The following PTPN13 variants were observed in gnomAD, a reference collection of about 807,000 sequenced individuals.
The protein encoded by PTPN13 is protein tyrosine phosphatase non-receptor type 13.
PTPN13 carries 191 observed loss-of-function variants against 284.0 expected under a neutral mutation model. The observed-to-expected ratio is 0.67, with a 90% CI of 0.60 to 0.76. The LOEUF is 0.76. Ranked by LOEUF, PTPN13 falls within the 30% of genes least tolerant of loss-of-function variation. PTPN13 has a pLI of 0.00. For synonymous variants in PTPN13, 986 were observed against 1,022.3 expected, an observed-to-expected ratio of 0.96 and a Z score of 0.68; for missense variants, 2,797 against 2,939.9, an observed-to-expected ratio of 0.95 and a Z score of 1.12.
intron 2 of PTPN13, among the ~76,000 whole-genome samples, chr4:86,655,206 C>G (rs904282330): frequency 1.3e-5 from 2 of 152,144 alleles, no homozygotes; most frequent in African/African-American, 2.4e-5. Context: ...ATTTGCCAGT[C>G]TGTGTCTTTT....
At chr4:86,804,829 C>T (rs576282736) in intron 43 of PTPN13, among the ~76,000 whole-genome samples, 7 of 152,148 alleles carry the variant, frequency 4.6e-5, no homozygotes, top group East Asian at 3.9e-4. Flanking sequence ...TTTGAATGAG[C>T]GAATGAATGA....
At chr4:86,692,060 G>A (rs1034113580) in intron 5 of PTPN13, among the ~76,000 whole-genome samples, 23 of 152,078 alleles carry the variant, frequency 1.5e-4, no homozygotes, top group Non-Finnish European at 3.1e-4. Context: ...GCTGCTTTGT[G>A]GTCCTTAGAA....
intron 1 of PTPN13, among the ~76,000 whole-genome samples, chr4:86,625,466 C>T (rs17419295): frequency 6.6e-6 from 1 of 151,972 alleles, no homozygotes; most frequent in Non-Finnish European, 1.5e-5. Context: ...AATCCCATGG[C>T]ACTTTGAACC....
intron 16 of PTPN13, 25 bp from the exon 17 acceptor site, chr4:86,744,941 T>C (rs1262550628): frequency 1.4e-5 from 20 of 1,475,888 alleles, no homozygotes; most frequent in Non-Finnish European, 1.8e-5. Context: ...ACTATAATTA[T>C]GAATACCCTT....
chr4:86,646,625 G>A (rs1425029208), intron 2 of PTPN13, among the ~76,000 whole-genome samples: 3 of 152,200 alleles, frequency 2.0e-5, no homozygotes, highest in Non-Finnish European at 4.4e-5. Context: ...TAGACTGCTA[G>A]TGAAAATGTA....
intron 16 of PTPN13, among the ~76,000 whole-genome samples, chr4:86,743,767 A>G (rs1736425630): frequency 1.3e-5 from 2 of 152,328 alleles, no homozygotes; most frequent in South Asian, 4.1e-4. Flanking sequence ...GACAGGATTG[A>G]AGTCTGGGTA....
chr4:86,604,710 G>A (rs895682298), intron 1 of PTPN13, among the ~76,000 whole-genome samples: 1 of 151,828 alleles, frequency 6.6e-6, no homozygotes, highest in African/African-American at 2.4e-5. Flanking sequence ...AATTAGAAAT[G>A]TTTTATAAAT....
rs879306260 is a variant in PTPN13, at chr4:86,807,734, T to C, written c.6920T>C (p.Met2307Thr). The change falls in exon 45 of 48, where the codon ATG (methionine) becomes ACG (threonine). Residue 2307 changes from methionine to threonine, a missense_variant. Coordinates refer to ENST00000411767, the MANE Select transcript of PTPN13 (RefSeq NM_080683.3). ...GAGCAAAAATCCACAGTGATAGCCA[T>C]GATGACTCAAGAAGTAGAAGGAGAA... ...IWEQKSTVIA[M>T]MTQEVEGEKI... 1.2e-5 allele frequency: 20 copies of C among 1,613,884 alleles called. No homozygotes were observed. The highest frequency in any genetic ancestry group is 9.3e-6 in the Non-Finnish European group (11 of 1,179,900).
chr4:86,621,085 T>G (rs934084936), intron 1 of PTPN13, among the ~76,000 whole-genome samples: 1 of 152,184 alleles, frequency 6.6e-6, no homozygotes, highest in African/African-American at 2.4e-5. Context: ...GCTTCCAGTT[T>G]CTCACTCGTT....
chr4:86,717,743 A>G (rs1033925205), intron 9 of PTPN13, among the ~76,000 whole-genome samples: 1 of 152,146 alleles, frequency 6.6e-6, no homozygotes, highest in Non-Finnish European at 1.5e-5. Context: ...GGAAACCTTG[A>G]TTTCTAAGAT....
chr4:86,641,038 G>T (rs1452904174), intron 2 of PTPN13, among the ~76,000 whole-genome samples: 3 of 152,072 alleles, frequency 2.0e-5, no homozygotes, highest in African/African-American at 7.2e-5. Context: ...ATGCTTATTT[G>T]ATTTAATTTG....
rs146751593 is a variant in PTPN13, at chr4:86,695,845, T to C, written c.634+2171T>C. Among the ~76,000 whole-genome samples, 56 of 152,154 alleles carry C rather than the reference T, an allele frequency of 3.7e-4. 1 individual carries two copies. The East Asian group carries it at 0.01, about 28-fold the overall frequency. On this transcript the variant is annotated intron_variant, in intron 6 of 47. Transcript: ENST00000411767. ...TCTTGATTTAGTAACTGTAATGTTG[T>C]ATTATTAATTTTTGCAGACAGTGTA...
intron 15 of PTPN13, among the ~76,000 whole-genome samples, chr4:86,738,083 C>CT (rs368688643): frequency 1.5e-4 from 22 of 148,264 alleles, no homozygotes; most frequent in East Asian, 4.3e-4. Flanking sequence ...AGTTTCTTTT[C>CT]TTTTTTTTTT....
intron 2 of PTPN13, among the ~76,000 whole-genome samples, chr4:86,658,611 C>A (rs1726121034): frequency 6.6e-6 from 1 of 152,106 alleles, no homozygotes; most frequent in African/African-American, 2.4e-5. Flanking sequence ...CTGAAGAGAT[C>A]ACCCTAATAC....
At chr4:86,637,930 C>G (rs979077857) in intron 2 of PTPN13, among the ~76,000 whole-genome samples, 2 of 151,480 alleles carry the variant, frequency 1.3e-5, no homozygotes, top group Non-Finnish European at 2.9e-5. Context: ...TCTAGAAAAC[C>G]CCATCGTCTC....
At chr4:86,769,097 C>G (rs1227492906) in intron 28 of PTPN13, among the ~76,000 whole-genome samples, 1 of 151,942 alleles carries the variant, frequency 6.6e-6, no homozygotes, top group Admixed American at 6.6e-5. Flanking sequence ...TAATTATTTT[C>G]TGGTTATTGT....
Position 86,794,006 on chromosome 4 carries a change from G to C in PTPN13, c.6346-2868G>C, listed in dbSNP as rs192908987. Among the ~76,000 whole-genome samples, 69 of 152,240 alleles carry C rather than the reference G, an allele frequency of 4.5e-4. No individual in the cohort carries two copies. In the East Asian group the frequency reaches 0.013, roughly 28 times the overall value. On this transcript the variant is annotated intron_variant, in intron 40 of 47. Transcript: ENST00000411767. ...GCAAAAAATAACTAAGATCAGAGCA[G>C]AACTGAAGGAGATAGAGACACAAAA...
At chr4:86,605,576 T>C (rs910113797) in intron 1 of PTPN13, among the ~76,000 whole-genome samples, 1 of 151,768 alleles carries the variant, frequency 6.6e-6, no homozygotes, top group Non-Finnish European at 1.5e-5. Context: ...TCCTGTAAGA[T>C]TGAAGGAAAG....
intron 25 of PTPN13, among the ~76,000 whole-genome samples, chr4:86,764,952 A>T (rs1170831190): frequency 6.6e-6 from 1 of 152,218 alleles, no homozygotes; most frequent in African/African-American, 2.4e-5. Context: ...CATAGATTTA[A>T]TACTTGCTTT....
Sources: allele counts gnomAD v4.1 joint callset (sites outside exome capture counted in the v4.1 genomes callset), GRCh38; gene constraint gnomAD v4.1.1; transcripts MANE v1.5; gene names NCBI Gene and HGNC (gene_info 2026-07-23, HGNC 2026-07-21).